Variants in SDCCAG8 observed in about 807,000 individuals in gnomAD.
The protein encoded by SDCCAG8 is SHH signaling and ciliogenesis regulator SDCCAG8.
Under a neutral mutation model 101.8 loss-of-function variants are expected in SDCCAG8, and 74 were observed. That is an observed-to-expected ratio of 0.73 (90% CI 0.60 to 0.88). The LOEUF (loss-of-function observed/expected upper bound fraction) is 0.88, where lower values mean the gene tolerates loss of function less well. Ranked by LOEUF, SDCCAG8 falls within the 40% of genes least tolerant of loss-of-function variation. The pLI is 0.00. For missense variants in SDCCAG8, 787 were observed against 822.6 expected, an observed-to-expected ratio of 0.96 and a Z score of 0.53; for synonymous variants, 281 against 292.9, an observed-to-expected ratio of 0.96 and a Z score of 0.41.
At chr1:243,316,711 CG>C (rs769785828) in intron 8 of SDCCAG8, 43 bp from the exon 9 acceptor site, 1 of 1,612,594 alleles carries the variant, frequency 6.2e-7, no homozygotes, top group Non-Finnish European at 8.5e-7. Context: ...AGGACAGGAT[CG>C]TTTGATCATT....
chr1:243,296,692 G>A (rs1406323535), intron 6 of SDCCAG8, among the ~76,000 whole-genome samples: 6 of 151,378 alleles, frequency 4.0e-5, no homozygotes, highest in African/African-American at 1.5e-4. Context: ...ACAGGCGCCC[G>A]CCACTGCGCC....
chr1:243,439,809 A>G (rs1165291989), intron 16 of SDCCAG8, among the ~76,000 whole-genome samples: 3 of 152,160 alleles, frequency 2.0e-5, no homozygotes, highest in African/African-American at 7.2e-5. Context: ...GGGCTATCTG[A>G]TGTCAGAGCC....
chr1:243,497,341 G>GC (rs949853933), intron 17 of SDCCAG8, among the ~76,000 whole-genome samples: 2 of 149,996 alleles, frequency 1.3e-5, no homozygotes, highest in African/African-American at 2.5e-5. Flanking sequence ...CACGGGTGGG[G>GC]GGGGGGGCGT....
Position 243,270,002 on chromosome 1 carries a change from C to A in SDCCAG8, c.68-103C>A, listed in dbSNP as rs896123900. On this transcript the variant is annotated intron_variant, in intron 1 of 17. Coordinates refer to ENST00000366541, the MANE Select transcript of SDCCAG8 (RefSeq NM_006642.5). ...AACTCTGCGTTTTTTCCATAAAGTA[C>A]GAGAAATAATGATTTCACCTTTAAA... The A allele has an allele frequency of 6.0e-6, 9 of 1,507,408 alleles. No individual in the cohort carries two copies. The South Asian group carries it at 9.2e-5, about 15-fold the overall frequency. 93.4% of individuals were successfully genotyped at this position (1,507,408 alleles called of 1,614,324 possible).
intron 9 of SDCCAG8, among the ~76,000 whole-genome samples, 170 bp from the exon 10 acceptor site, chr1:243,330,370 G>A (rs1015931262): frequency 9.9e-5 from 15 of 151,832 alleles, no homozygotes; most frequent in African/African-American, 3.6e-4. Flanking sequence ...TGTAACATTT[G>A]GATACTCTTT....
chr1:243,281,250 A>C (rs757841331), intron 4 of SDCCAG8, among the ~76,000 whole-genome samples: 2 of 144,624 alleles, frequency 1.4e-5, no homozygotes, highest in Admixed American at 1.4e-4. Flanking sequence ...TTTTAAATCT[A>C]TCTGTGTCTT....
intron 15 of SDCCAG8, among the ~76,000 whole-genome samples, chr1:243,418,809 T>A (rs1202487150): frequency 2.6e-5 from 4 of 152,186 alleles, no homozygotes; most frequent in African/African-American, 4.8e-5. Flanking sequence ...ATGAAAGACA[T>A]TGGACAGAAT....
intron 13 of SDCCAG8, among the ~76,000 whole-genome samples, chr1:243,409,318 G>T (rs58458185): frequency 1.3e-5 from 2 of 152,108 alleles, no homozygotes; most frequent in African/African-American, 2.4e-5. Flanking sequence ...AAGGTTCTAT[G>T]TATGTTGTTG....
rs762004051 is a variant in SDCCAG8, at chr1:243,256,136, C to T, written c.-38C>T. On this transcript the variant is annotated 5_prime_UTR_variant, in exon 1 of 18. Transcript: ENST00000366541. ...TCGGAAGGGAGAAAGCTGGACATTT[C>T]CCCACGTAACTCCCAGCTCTGGGCC... 4 of 1,591,454 alleles carry T rather than the reference C, an allele frequency of 2.5e-6. No homozygotes were observed. Among genetic ancestry groups the T allele is most frequent in the Non-Finnish European group, 3.4e-6 (4 of 1,159,434 alleles).
rs2073266122 is a variant in SDCCAG8, at chr1:243,316,655, C to T, written c.930-100C>T. On this transcript the variant is annotated intron_variant, in intron 8 of 17. Coordinates refer to ENST00000366541, the MANE Select transcript of SDCCAG8 (RefSeq NM_006642.5). Reference sequence around the variant, plus strand: ...TTCATATGTGCTCAGCCGGCCTACCCTGGCTCTTCTAATACATATTAATGC... The same window carrying T: ...TTCATATGTGCTCAGCCGGCCTACCTTGGCTCTTCTAATACATATTAATGC... 4.2e-6 allele frequency: 6 copies of T among 1,441,464 alleles called. No homozygotes were observed. The East Asian group carries it at 1.4e-4, about 34-fold the overall frequency. 89.3% of individuals were successfully genotyped at this position (1,441,464 alleles called of 1,614,324 possible). A position where few individuals can be genotyped will look rare whatever the true frequency, so the allele number is the denominator to read the frequency against.
At chr1:243,327,570 T>C (rs980675258) in intron 9 of SDCCAG8, among the ~76,000 whole-genome samples, 9 of 151,678 alleles carry the variant, frequency 5.9e-5, no homozygotes, top group African/African-American at 2.2e-4. Context: ...TTGATGATAG[T>C]TGATTGTTTA....
intron 16 of SDCCAG8, among the ~76,000 whole-genome samples, chr1:243,445,766 GC>G (rs1312677334): frequency 2.0e-5 from 3 of 152,156 alleles, no homozygotes; most frequent in African/African-American, 7.2e-5. Context: ...AATGGCCCTT[GC>G]CCACCAAATC....
At chr1:243,269,858 G>A (rs942154877) in intron 1 of SDCCAG8, among the ~76,000 whole-genome samples, 4 of 152,152 alleles carry the variant, frequency 2.6e-5, no homozygotes, top group East Asian at 3.9e-4. Context: ...GGTGCTATAT[G>A]TAGTGAAATC....
At chr1:243,363,341 C>A (rs2076824371) in intron 12 of SDCCAG8, among the ~76,000 whole-genome samples, 1 of 152,138 alleles carries the variant, frequency 6.6e-6, no homozygotes, top group African/African-American at 2.4e-5. Context: ...TGCCTAGATA[C>A]CGATGAACCA....
intron 9 of SDCCAG8, among the ~76,000 whole-genome samples, chr1:243,320,999 A>C (rs1482330630): frequency 6.6e-6 from 1 of 152,110 alleles, no homozygotes; most frequent in Non-Finnish European, 1.5e-5. Context: ...GGGTTTTTCA[A>C]CCTTGGTGCT....
At chr1:243,478,265 G>C (rs554428437) in intron 16 of SDCCAG8, among the ~76,000 whole-genome samples, 1 of 152,360 alleles carries the variant, frequency 6.6e-6, no homozygotes, top group South Asian at 2.1e-4. Flanking sequence ...ACTGGATTTA[G>C]AGTCAAGAGA....
At chr1:243,341,315 C>A in intron 11 of SDCCAG8, 142 bp downstream of exon 11, 1 of 818,386 alleles carries the variant, frequency 1.2e-6, no homozygotes, top group Non-Finnish European at 1.9e-6. Flanking sequence ...TAATAAAAGG[C>A]CACCTAATGG....
intron 16 of SDCCAG8, among the ~76,000 whole-genome samples, chr1:243,465,602 C>T (rs1481519564): frequency 6.6e-6 from 1 of 152,184 alleles, no homozygotes; most frequent in Non-Finnish European, 1.5e-5. Flanking sequence ...TTCACACAGC[C>T]TCTGTTTCGG....
At chr1:243,475,682 T>C (rs1175766782) in intron 16 of SDCCAG8, among the ~76,000 whole-genome samples, 1 of 152,186 alleles carries the variant, frequency 6.6e-6, no homozygotes, top group Non-Finnish European at 1.5e-5. Context: ...AAAAGTTGAT[T>C]GATGACAGAG....
Sources: allele counts gnomAD v4.1 joint callset (sites outside exome capture counted in the v4.1 genomes callset), GRCh38; gene constraint gnomAD v4.1.1; transcripts MANE v1.5; gene names NCBI Gene and HGNC (gene_info 2026-07-23, HGNC 2026-07-21).